The following BCL9 variants were observed in gnomAD, a reference collection of about 807,000 sequenced individuals.
The protein encoded by BCL9 is BCL9 transcription coactivator.
Under a neutral mutation model 88.5 loss-of-function variants are expected in BCL9, and 25 were observed. That is an observed-to-expected ratio of 0.28 (90% CI 0.21 to 0.39). The LOEUF (loss-of-function observed/expected upper bound fraction) is 0.39, where lower values mean the gene tolerates loss of function less well. Ranked by LOEUF, BCL9 falls within the 10% of genes least tolerant of loss-of-function variation. BCL9 has a pLI of 1.00. For synonymous variants in BCL9, 711 were observed against 673.3 expected (o/e 1.06, Z -0.87); for missense variants, 1,817 against 1,877.8 (o/e 0.97, Z 0.60).
chr1:147,584,442 T>C (rs781842108), intron 1 of BCL9, among the ~76,000 whole-genome samples: 12 of 152,248 alleles, frequency 7.9e-5, no homozygotes, highest in Non-Finnish European at 1.6e-4. Context: ...TTTTATAGTA[T>C]GAGATGAGGA....
intron 7 of BCL9, among the ~76,000 whole-genome samples, chr1:147,618,306 C>G (rs912909033): frequency 2.0e-5 from 3 of 152,144 alleles, no homozygotes; most frequent in African/African-American, 7.2e-5. Context: ...GCTGCTTCCT[C>G]GGCTGGTAGA....
At chr1:147,597,112 G>A (rs587760956) in intron 1 of BCL9, among the ~76,000 whole-genome samples, 1 of 152,284 alleles carries the variant, frequency 6.6e-6, no homozygotes, top group East Asian at 1.9e-4. Context: ...CCCTAAAACT[G>A]AGCATAATCT....
chr1:147,620,399 G>A lies in BCL9; in HGVS notation c.2244G>A (p.Leu748=). ...REAGAGPEEM[L]KLRPGGSDML... ...CTGGGGCGGGCCCTGAGGAGATGCT[G>A]AAATTACGCCCAGGTGGCTCAGACA... The change falls in exon 8 of 10, where the codon CTG becomes CTA. Residue 748 remains leucine, a synonymous_variant. Transcript: ENST00000234739. 1.2e-6 allele frequency: 2 copies of A among 1,613,990 alleles called. No individual in the cohort carries two copies. The highest frequency in any genetic ancestry group is 3.3e-5 in the Admixed American group (2 of 60,012).
At chr1:147,567,474 T>G (rs79801005) in intron 1 of BCL9, among the ~76,000 whole-genome samples, 35 of 152,304 alleles carry the variant, frequency 2.3e-4, no homozygotes, top group African/African-American at 2.6e-4. Flanking sequence ...ATACTTGGTA[T>G]ATGCCTAAAG....
Position 147,619,893 on chromosome 1 carries a change from A to G in BCL9, c.1738A>G (p.Asn580Asp). 6.2e-7 allele frequency: 1 copy of G among 1,614,210 alleles called. No individual in the cohort carries two copies. The highest frequency in any genetic ancestry group is 8.5e-7 in the Non-Finnish European group (1 of 1,180,040). Reference sequence around the variant, plus strand: ...TGAAATGGAAGGGCCGAATGTCCCCAACCCTGCATCTAGACCAGGTCTTTC... The same window carrying G: ...TGAAATGGAAGGGCCGAATGTCCCCGACCCTGCATCTAGACCAGGTCTTTC... ...NSEMEGPNVPNPASRPGLSGV... is the reference protein window; with the variant it reads ...NSEMEGPNVPDPASRPGLSGV... Residue 580 changes from asparagine (N) to aspartate (D), a missense_variant, in exon 8 of 10, where the codon AAC (asparagine) becomes GAC (aspartate). Around this residue, in one of 2 missense-constraint regions of BCL9, gnomAD observed 1,228 missense variants for 1,191.6 expected, o/e 1.03. Transcript: ENST00000234739. The surrounding 1 kb of genome is among the most constrained non-coding windows in gnomAD (Gnocchi z 4.1).
At chr1:147,579,788 C>T (rs2101547321) in intron 1 of BCL9, among the ~76,000 whole-genome samples, 1 of 152,334 alleles carries the variant, frequency 6.6e-6, no homozygotes, top group South Asian at 2.1e-4. Flanking sequence ...ATCCCAACGG[C>T]ACTCACAGGA....
In BCL9 at chr1:147,625,297, C is replaced by T. The variant is rs1485346390; in HGVS notation, c.*338C>T. 2.1e-5 allele frequency: 6 copies of T among 288,656 alleles called. No homozygotes were observed. Among genetic ancestry groups the T allele is most frequent in the Non-Finnish European group, 3.9e-5 (6 of 153,010 alleles). The allele number at this position is 288,656 out of a possible 1,614,324, so 17.9% of individuals were successfully genotyped here. On this transcript the variant is annotated 3_prime_UTR_variant, in exon 10 of 10. Coordinates refer to ENST00000234739, the MANE Select transcript of BCL9 (RefSeq NM_004326.4). ...TGCACCGTTCTCTGTATGTTTACGT[C>T]CTTTGGACTGGCTTCTCCCAGGATT...
At chr1:147,568,257 T>C (rs1655700149) in intron 1 of BCL9, among the ~76,000 whole-genome samples, 1 of 152,206 alleles carries the variant, frequency 6.6e-6, no homozygotes, top group Non-Finnish European at 1.5e-5. Flanking sequence ...AGAAATGCAG[T>C]TCTATAGCCT....
intron 8 of BCL9, 52 bp downstream of exon 8, chr1:147,621,109 A>G (rs782617618): frequency 6.6e-7 from 1 of 1,505,184 alleles, no homozygotes; most frequent in South Asian, 1.3e-5. Flanking sequence ...AGACTGCTAG[A>G]CCTGATAGTT....
chr1:147,576,771 C>G (rs1485987840), intron 1 of BCL9, among the ~76,000 whole-genome samples: 1 of 152,158 alleles, frequency 6.6e-6, no homozygotes, highest in Non-Finnish European at 1.5e-5. Flanking sequence ...AGGAAACTTA[C>G]TGCTGGTCTC....
In BCL9 at chr1:147,579,946, T is replaced by G. The variant is rs139334709; in HGVS notation, c.-477-24831T>G. The stretch of plus-strand genomic sequence containing the variant: ...TGTGTTTATTCCCCCTTTCATTCAT[T>G]CTTCCTCTTCTCTTAGAAAGCAAAA... On this transcript the variant is annotated intron_variant, in intron 1 of 9. Coordinates refer to ENST00000234739, the MANE Select transcript of BCL9 (RefSeq NM_004326.4). Among the ~76,000 whole-genome samples, 102 of 152,338 alleles carry G rather than the reference T, an allele frequency of 6.7e-4. No individual in the cohort carries two copies. The East Asian group carries it at 0.017, about 26-fold the overall frequency.
At chr1:147,593,603 G>A (rs1382109067) in intron 1 of BCL9, among the ~76,000 whole-genome samples, 2 of 152,164 alleles carry the variant, frequency 1.3e-5, no homozygotes, top group African/African-American at 2.4e-5. Flanking sequence ...GGGGAGTTAA[G>A]TTATACTTTT....
chr1:147,603,242 G>C (rs1382573536), intron 1 of BCL9, among the ~76,000 whole-genome samples: 1 of 152,156 alleles, frequency 6.6e-6, no homozygotes, highest in Non-Finnish European at 1.5e-5. Flanking sequence ...GTTTTGAAAG[G>C]TAATGCCTCT....
chr1:147,622,543 G>C lies in BCL9; in HGVS notation c.3163+12G>C. 6.2e-7 allele frequency: 1 copy of C among 1,614,052 alleles called. No individual in the cohort carries two copies. The highest frequency in any genetic ancestry group is 8.5e-7 in the Non-Finnish European group (1 of 1,179,916). On this transcript the variant is annotated intron_variant, in intron 9 of 9. Transcript: ENST00000234739. The stretch of plus-strand genomic sequence containing the variant: ...GAATAATATGCCAGGTAAGAAATCA[G>C]AAAGGCAGGTTGTGGAGTGAGTGCT...
intron 1 of BCL9, among the ~76,000 whole-genome samples, chr1:147,603,344 AC>A (rs1657497752): frequency 6.6e-6 from 1 of 152,244 alleles, no homozygotes; most frequent in Non-Finnish European, 1.5e-5. Context: ...GCTGCTGAGT[AC>A]TAACATGGGC....
At position 147,549,083 on chromosome 1, in the gene BCL9, T is replaced by C. The variant is rs143014095; in HGVS notation, c.-478+7409T>C. On this transcript the variant is annotated intron_variant, in intron 1 of 9. Coordinates refer to ENST00000234739, the MANE Select transcript of BCL9 (RefSeq NM_004326.4). ...CCTCTGTCTCCTGGGTTCAAGCGAT[T>C]CTCCTGCCTCAGCCTTCCAAGTAGC... 3.3e-3 allele frequency among the ~76,000 whole-genome samples: 488 copies of C among 149,728 alleles called. 11 individuals carry two copies. The East Asian group carries it at 0.077, about 24-fold the overall frequency.
At chr1:147,603,144 A>C (rs587669306) in intron 1 of BCL9, among the ~76,000 whole-genome samples, 2 of 152,366 alleles carry the variant, frequency 1.3e-5, no homozygotes, top group South Asian at 4.1e-4. Context: ...GACCAAATTC[A>C]GCTTTGGTAA....
intron 1 of BCL9, among the ~76,000 whole-genome samples, chr1:147,547,188 G>T (rs1483959501): frequency 6.6e-6 from 1 of 152,112 alleles, no homozygotes; most frequent in Non-Finnish European, 1.5e-5. Context: ...GTATGTGTAT[G>T]TGTGTATAAA....
At position 147,579,931 on chromosome 1, in the gene BCL9, C is replaced by T. The variant is rs188720584; in HGVS notation, c.-477-24846C>T. ...CCTTGGCTTGAGCATTGTGTTTATT[C>T]CCCCTTTCATTCATTCTTCCTCTTC... On this transcript the variant is annotated intron_variant, in intron 1 of 9. Coordinates refer to ENST00000234739, the MANE Select transcript of BCL9 (RefSeq NM_004326.4). Among the ~76,000 whole-genome samples, 73 of 152,236 alleles carry T rather than the reference C, an allele frequency of 4.8e-4. No individual in the cohort carries two copies. In the Middle Eastern group the frequency reaches 0.014, roughly 28 times the overall value.
Sources: allele counts gnomAD v4.1 joint callset (sites outside exome capture counted in the v4.1 genomes callset), GRCh38; gene constraint gnomAD v4.1.1; regional missense constraint gnomAD v4.1.1; non-coding constraint Gnocchi (gnomAD v3.1); transcripts MANE v1.5; gene names NCBI Gene and HGNC (gene_info 2026-07-23, HGNC 2026-07-21).